The following MCTP1 variants were observed in gnomAD, a reference collection of about 807,000 sequenced individuals.
MCTP1 encodes multiple C2 and transmembrane domain-containing protein 1.
Under a neutral mutation model 120.6 loss-of-function variants are expected in MCTP1, and 69 were observed. That is an observed-to-expected ratio of 0.57 (90% CI 0.47 to 0.70). The LOEUF (loss-of-function observed/expected upper bound fraction) is 0.70, where lower values mean the gene tolerates loss of function less well. Ranked by LOEUF, MCTP1 falls within the 30% of genes least tolerant of loss-of-function variation. MCTP1 has a pLI of 0.00. For synonymous variants in MCTP1, 529 were observed against 493.1 expected (o/e 1.07, Z -0.96); for missense variants, 1,203 against 1,248.8 (o/e 0.96, Z 0.55).
intron 1 of MCTP1, among the ~76,000 whole-genome samples, chr5:95,213,563 C>T (rs756926732): frequency 1.3e-5 from 2 of 151,882 alleles, no homozygotes; most frequent in African/African-American, 4.8e-5. Context: ...CAAGTCAATC[C>T]TAAGCCAAAA....
chr5:95,175,378 G>A (rs892150527), intron 1 of MCTP1, among the ~76,000 whole-genome samples: 4 of 152,174 alleles, frequency 2.6e-5, no homozygotes, highest in Non-Finnish European at 5.9e-5. Flanking sequence ...CCAAACTCGT[G>A]TTCCTGGACT....
chr5:94,866,855 A>G (rs906616559), intron 17 of MCTP1, among the ~76,000 whole-genome samples: 2 of 60,928 alleles, frequency 3.3e-5, no homozygotes, highest in East Asian at 4.3e-4. Flanking sequence ...GACTTACACA[A>G]TACACGTAAA....
In MCTP1 at chr5:94,826,401, A is replaced by G. The variant is rs147340825; in HGVS notation, c.2437-27269T>C. 2.7e-3 allele frequency: 1,739 copies of G among 635,328 alleles called. 5 individuals are homozygous for G. Among genetic ancestry groups the G allele is most frequent in the Middle Eastern group, 7.5e-3 (17 of 2,262 alleles). The allele number at this position is 635,328 out of a possible 1,614,324, so 39.4% of individuals were successfully genotyped here. The stretch of plus-strand genomic sequence containing the variant: ...GCTTTCAGACCTTTTGGCTCACACC[A>G]TTGATACCTCTGATCCTGATGACAA... On this transcript the variant is annotated intron_variant, in intron 17 of 22. Coordinates refer to ENST00000515393, the MANE Select transcript of MCTP1 (RefSeq NM_024717.7).
intron 1 of MCTP1, among the ~76,000 whole-genome samples, chr5:95,246,938 A>G (rs1314020042): frequency 1.3e-5 from 2 of 152,068 alleles, no homozygotes; most frequent in African/African-American, 4.8e-5. Context: ...CTCTTTTTCT[A>G]TTGATTGAAA....
intron 17 of MCTP1, among the ~76,000 whole-genome samples, chr5:94,853,616 T>A (rs1240324528): frequency 1.3e-5 from 2 of 151,896 alleles, no homozygotes; most frequent in African/African-American, 2.4e-5. Flanking sequence ...TATCATCTTA[T>A]AATGAAGGAA....
chr5:95,082,453 T>G (rs1755048991), intron 1 of MCTP1, among the ~76,000 whole-genome samples: 1 of 152,220 alleles, frequency 6.6e-6, no homozygotes, highest in South Asian at 2.1e-4. Flanking sequence ...CTACATAAAT[T>G]CACTTGCCAT....
intron 1 of MCTP1, among the ~76,000 whole-genome samples, chr5:95,079,199 A>G (rs930329617): frequency 1.3e-5 from 2 of 152,140 alleles, no homozygotes; most frequent in African/African-American, 4.8e-5. Context: ...AGCACTTATA[A>G]CAACAGACTC....
intron 2 of MCTP1, among the ~76,000 whole-genome samples, chr5:94,967,707 G>A (rs1402348335): frequency 1.3e-5 from 2 of 152,220 alleles, no homozygotes; most frequent in African/African-American, 2.4e-5. Context: ...CTCCAAAAAC[G>A]TATTATGATG....
intron 1 of MCTP1, among the ~76,000 whole-genome samples, chr5:95,191,063 T>C (rs900543700): frequency 6.6e-6 from 1 of 152,056 alleles, no homozygotes; most frequent in African/African-American, 2.4e-5. Context: ...TATTTGATAA[T>C]GAAGATCAAA....
intron 19 of MCTP1, among the ~76,000 whole-genome samples, chr5:94,744,115 T>C (rs61238929): frequency 0.23 from 35,247 of 151,528 alleles, 4,213 homozygotes; most frequent in East Asian, 0.35. Context: ...GAACTACAGA[T>C]GCACGCCACC....
chr5:94,725,153 AG>A (rs1393853121), intron 19 of MCTP1, among the ~76,000 whole-genome samples: 1 of 152,238 alleles, frequency 6.6e-6, no homozygotes, highest in African/African-American at 2.4e-5. Flanking sequence ...AAGCACACTC[AG>A]GATTACAGGT....
At chr5:95,052,872 T>G (rs1009459616) in intron 1 of MCTP1, among the ~76,000 whole-genome samples, 1 of 152,184 alleles carries the variant, frequency 6.6e-6, no homozygotes, top group Non-Finnish European at 1.5e-5. Flanking sequence ...AAACCTGAAT[T>G]TTAGTACTAG....
chr5:94,781,899 T>C (rs1776654482), intron 18 of MCTP1, among the ~76,000 whole-genome samples: 1 of 152,196 alleles, frequency 6.6e-6, no homozygotes, highest in Admixed American at 6.5e-5. Flanking sequence ...CTTTTTGCTG[T>C]GTTTTAGCGC....
intron 19 of MCTP1, among the ~76,000 whole-genome samples, chr5:94,766,642 G>T (rs924257285): frequency 1.2e-4 from 18 of 151,362 alleles, no homozygotes; most frequent in African/African-American, 3.9e-4. Flanking sequence ...TGCACGTTGT[G>T]CACATGTACC....
At chr5:95,245,058 C>A (rs1257735684) in intron 1 of MCTP1, among the ~76,000 whole-genome samples, 1 of 152,120 alleles carries the variant, frequency 6.6e-6, no homozygotes, top group Non-Finnish European at 1.5e-5. Context: ...GGACCTCCAG[C>A]AAACTCCAAT....
intron 10 of MCTP1, among the ~76,000 whole-genome samples, chr5:94,905,017 T>C (rs1806448547): frequency 6.6e-6 from 1 of 152,162 alleles, no homozygotes; most frequent in South Asian, 2.1e-4. Flanking sequence ...AATAGAGGAA[T>C]GGAATGCCAA....
At chr5:94,909,481 A>T in intron 9 of MCTP1, 100 bp from the exon 10 acceptor site, 9 of 1,131,832 alleles carry the variant, frequency 8.0e-6, no homozygotes, top group Non-Finnish European at 1.1e-5. Context: ...AGTATCTAGA[A>T]AAGCACGCTG....
chr5:95,268,699 A>G (rs558601617), intron 1 of MCTP1, among the ~76,000 whole-genome samples: 2 of 152,328 alleles, frequency 1.3e-5, no homozygotes, highest in East Asian at 1.9e-4. Context: ...ACTGCTCTCT[A>G]CTAGGGAGGT....
intron 1 of MCTP1, among the ~76,000 whole-genome samples, chr5:95,189,431 T>C (rs919343700): frequency 6.6e-6 from 1 of 152,164 alleles, no homozygotes; most frequent in South Asian, 2.1e-4. Flanking sequence ...TGCTTTTTAT[T>C]GTGTATGCAA....
Sources: gnomAD v4.1 joint callset for allele counts (sites outside exome capture counted in the v4.1 genomes callset) on GRCh38, gnomAD v4.1.1 for gene constraint, MANE v1.5 for transcripts, NCBI Gene and HGNC (gene_info 2026-07-23, HGNC 2026-07-21) for gene names.